The following AADACL2 variants were observed in gnomAD, a reference collection of about 807,000 sequenced individuals.
AADACL2 encodes the protein arylacetamide deacetylase like 2, also known as arylacetamide deacetylase-like 2.
Under a neutral mutation model 22.3 loss-of-function variants are expected in AADACL2, and 23 were observed. The ratio of observed to expected loss-of-function variants is 1.03; its 90% CI spans 0.74 to 1.46. The LOEUF (loss-of-function observed/expected upper bound fraction) is 1.46. Among genes scored for constraint, AADACL2 ranks in the 40% most tolerant of loss-of-function variants. The pLI is 0.00. For synonymous variants in AADACL2, 177 were observed against 166.2 expected (o/e 1.07, Z -0.50); for missense variants, 472 against 482.9 (o/e 0.98, Z 0.21).
Position 151,752,097 on chromosome 3 carries a change from T to C in AADACL2, c.604-4895T>C, listed in dbSNP as rs532947053. On this transcript the variant is annotated intron_variant, in intron 4 of 4. Coordinates refer to ENST00000356517, the MANE Select transcript of AADACL2 (RefSeq NM_207365.4). The stretch of plus-strand genomic sequence containing the variant: ...TCTTCATGGACTGCTAAACTTTCTA[T>C]ATGAATTACATATTCATTGAAAAGC... 3.3e-5 allele frequency among the ~76,000 whole-genome samples: 5 copies of C among 152,150 alleles called. No homozygotes were observed. In the South Asian group the frequency reaches 8.3e-4, roughly 25 times the overall value.
intron 1 of AADACL2, among the ~76,000 whole-genome samples, chr3:151,739,853 C>T (rs1469622733): frequency 6.6e-6 from 1 of 152,190 alleles, no homozygotes; most frequent in Non-Finnish European, 1.5e-5. Context: ...TGATAGACCC[C>T]TCTCCCCCCA....
chr3:151,743,538 T>C (rs1713345817), intron 2 of AADACL2, among the ~76,000 whole-genome samples: 1 of 152,190 alleles, frequency 6.6e-6, no homozygotes, highest in South Asian at 2.1e-4. Flanking sequence ...CTCTCATATC[T>C]AGTTATTATT....
In AADACL2 at chr3:151,758,224, A is replaced by T. The variant is rs1210644210; in HGVS notation, c.*630A>T. On this transcript the variant is annotated 3_prime_UTR_variant, in exon 5 of 5. Transcript: ENST00000356517. ...CTTTTAACCTCTGGTGGCTGCCAGT[A>T]TTCTTTGACTATTCTTAGATCAGTT... is the stretch of plus-strand genomic sequence containing the variant. 4 of 152,172 alleles carry T rather than the reference A, an allele frequency of 2.6e-5. No individual in the cohort carries two copies. Among genetic ancestry groups the T allele is most frequent in the Admixed American group, 6.6e-5 (1 of 15,252 alleles). The allele number at this position is 152,172 out of a possible 1,614,324, so 9.4% of individuals were successfully genotyped here.
chr3:151,757,400 T>C lies in AADACL2; in HGVS notation c.1012T>C (p.Cys338Arg), dbSNP rs754171435. ...TTTGCCACTAACCTATATTCTTACT[T>C]GTCAACATGATCTCTTAAGAGATGA... The part of the protein sequence containing the change: ...QNLPLTYILT[C>R]QHDLLRDDGL... The change falls in exon 5 of 5, where the codon TGT becomes CGT. Residue 338 changes from cysteine (C) to arginine (R), a missense_variant. Transcript: ENST00000356517. 14 of 1,613,688 alleles carry C rather than the reference T, an allele frequency of 8.7e-6. No individual in the cohort carries two copies. The highest frequency in any genetic ancestry group is 1.2e-5 in the Non-Finnish European group (14 of 1,179,742).
intron 4 of AADACL2, among the ~76,000 whole-genome samples, chr3:151,752,692 T>A (rs1713716890): frequency 6.6e-6 from 1 of 152,212 alleles, no homozygotes; most frequent in Non-Finnish European, 1.5e-5. Flanking sequence ...TTCTTTTTAC[T>A]TTCATAAAAC....
intron 4 of AADACL2, among the ~76,000 whole-genome samples, chr3:151,754,140 A>C (rs952165871): frequency 6.6e-6 from 1 of 152,126 alleles, no homozygotes; most frequent in East Asian, 1.9e-4. Context: ...CTTTGTTACC[A>C]GCTTCCTTTC....
In AADACL2 at chr3:151,757,538, C is replaced by T. The variant is rs370936803; in HGVS notation, c.1150C>T (p.Arg384Cys). Residue 384 changes from arginine (R) to cysteine (C), a missense_variant, in exon 5 of 5, where the codon CGT becomes TGT. By Grantham distance (180) the Arg-to-Cys change is radical (BLOSUM62 -3). Transcript: ENST00000356517. ...LSFMTSPFYL[R>C]LGLRIRDMYV... is the part of the protein sequence containing the mutation. ...ATTCATGACTTCACCATTTTATTTA[C>T]GTCTAGGTCTTAGGATAAGAGATAT... 49 of 1,613,030 alleles carry T rather than the reference C, an allele frequency of 3.0e-5. No homozygotes were observed. Among genetic ancestry groups the T allele is most frequent in the Non-Finnish European group, 3.6e-5 (43 of 1,179,456 alleles).
At chr3:151,739,876 A>G (rs1713221877) in intron 1 of AADACL2, among the ~76,000 whole-genome samples, 3 of 152,186 alleles carry the variant, frequency 2.0e-5, no homozygotes, top group Admixed American at 1.3e-4. Context: ...AAGCTAGATC[A>G]TCCCAGGTTG....
At chr3:151,738,976 A>G (rs1051726608) in intron 1 of AADACL2, among the ~76,000 whole-genome samples, 1 of 152,136 alleles carries the variant, frequency 6.6e-6, no homozygotes, top group African/African-American at 2.4e-5. Flanking sequence ...GTTATTACCC[A>G]TCTTCTGAGT....
intron 3 of AADACL2, among the ~76,000 whole-genome samples, chr3:151,744,450 GC>G (rs1377876117): frequency 6.6e-6 from 1 of 152,076 alleles, no homozygotes; most frequent in Non-Finnish European, 1.5e-5. Context: ...AAGTAACACA[GC>G]TGGACAGAAG....
intron 4 of AADACL2, among the ~76,000 whole-genome samples, chr3:151,755,305 C>A (rs1333622693): frequency 3.9e-5 from 6 of 151,916 alleles, no homozygotes; most frequent in African/African-American, 1.4e-4. Context: ...AAATTCAAAA[C>A]CAAGTAGAAA....
In AADACL2 at chr3:151,757,795, A is replaced by G. The variant is rs1355058583; in HGVS notation, c.*201A>G. Reference sequence around the variant, plus strand: ...ATGTAAAATGTATGTAATCCTGCCTATTTTCTCCTTACTTATAATTTATTA... The same window carrying G: ...ATGTAAAATGTATGTAATCCTGCCTGTTTTCTCCTTACTTATAATTTATTA... On this transcript the variant is annotated 3_prime_UTR_variant, in exon 5 of 5. Transcript: ENST00000356517. 1 of 448,340 alleles carries G rather than the reference A, an allele frequency of 2.2e-6. No homozygotes were observed. Among genetic ancestry groups the G allele is most frequent in the Non-Finnish European group, 3.8e-6 (1 of 263,736 alleles). The allele number at this position is 448,340 out of a possible 1,614,324, so 27.8% of individuals were successfully genotyped here. A position where few individuals can be genotyped will look rare whatever the true frequency, so the allele number is the denominator to read the frequency against.
intron 4 of AADACL2, among the ~76,000 whole-genome samples, chr3:151,750,526 C>T (rs140294260): frequency 1.3e-5 from 2 of 151,980 alleles, no homozygotes; most frequent in Non-Finnish European, 2.9e-5. Context: ...GATGTCTACT[C>T]CTTATGTCAA....
At chr3:151,738,079 C>T (rs1265405238) in intron 1 of AADACL2, among the ~76,000 whole-genome samples, 1 of 152,094 alleles carries the variant, frequency 6.6e-6, no homozygotes, top group Non-Finnish European at 1.5e-5. Flanking sequence ...TGTGTTTTTT[C>T]AGTGGCTGGT....
Position 151,757,345 on chromosome 3 carries a change from C to T in AADACL2, c.957C>T (p.Pro319=), listed in dbSNP as rs776431005. The part of the protein sequence containing the change: ...LPGLTDSRAL[P]LLANDSQLQN... ...GACTTACAGACAGCAGAGCATTACC[C>T]TTGTTGGCCAATGATTCTCAGTTAC... The change falls in exon 5 of 5, where the codon CCC becomes CCT. Residue 319 remains proline (P), a synonymous_variant. Coordinates refer to ENST00000356517, the MANE Select transcript of AADACL2 (RefSeq NM_207365.4). 2 of 1,613,764 alleles carry T rather than the reference C, an allele frequency of 1.2e-6. No individual in the cohort carries two copies. Among genetic ancestry groups the T allele is most frequent in the Non-Finnish European group, 1.7e-6 (2 of 1,179,724 alleles).
intron 1 of AADACL2, among the ~76,000 whole-genome samples, chr3:151,737,112 C>A (rs1713112916): frequency 6.6e-6 from 1 of 152,116 alleles, no homozygotes; most frequent in African/African-American, 2.4e-5. Flanking sequence ...TATAAATTTC[C>A]CTCTTAACAC....
At chr3:151,756,046 T>C (rs900857207) in intron 4 of AADACL2, among the ~76,000 whole-genome samples, 15 of 152,232 alleles carry the variant, frequency 9.9e-5, no homozygotes, top group African/African-American at 3.6e-4. Context: ...GATTTCAATT[T>C]AGTTTTTCCT....
chr3:151,739,447 A>G (rs1446080529), intron 1 of AADACL2, among the ~76,000 whole-genome samples: 1 of 152,160 alleles, frequency 6.6e-6, no homozygotes, highest in Non-Finnish European at 1.5e-5. Context: ...TTGCTGGGAG[A>G]TGTCTCCCTG....
At chr3:151,755,384 T>C (rs998767934) in intron 4 of AADACL2, among the ~76,000 whole-genome samples, 3 of 151,994 alleles carry the variant, frequency 2.0e-5, no homozygotes, top group African/African-American at 7.2e-5. Context: ...TAATAGAGAT[T>C]TGGGAATTTA....
Sources: allele counts gnomAD v4.1 joint callset (sites outside exome capture counted in the v4.1 genomes callset), GRCh38; gene constraint gnomAD v4.1.1; transcripts MANE v1.5; gene names NCBI Gene and HGNC (gene_info 2026-07-23, HGNC 2026-07-21).